Variants in DST observed in about 807,000 individuals in gnomAD.
The protein encoded by DST is dystonin.
A neutral mutation model predicts 875.2 loss-of-function variants in DST; 253 were observed. The ratio of observed to expected loss-of-function variants is 0.29; its 90% CI spans 0.26 to 0.32. DST has a LOEUF of 0.32. Among genes scored for constraint, DST ranks in the 10% least tolerant of loss-of-function variants. The pLI, the probability that DST is intolerant of heterozygous loss-of-function variation, is 1.00. For missense variants in DST, 8,287 were observed against 9,111.6 expected, an observed-to-expected ratio of 0.91 and a Z score of 3.68; for synonymous variants, 3,124 against 3,197.1, an observed-to-expected ratio of 0.98 and a Z score of 0.77.
At position 56,793,532 on chromosome 6, in the gene DST, C is replaced by A. The variant is rs551494731; in HGVS notation, c.625+57865G>T. On this transcript the variant is annotated intron_variant, in intron 4 of 103. Coordinates refer to ENST00000680361, the MANE Select transcript of DST (RefSeq NM_001374736.1). ...TTAAACTACCCACAGAGAATTCTAACAAAAGAGGTCCTAAGACAGACAAGA... is the reference window on the plus strand; with the variant it reads ...TTAAACTACCCACAGAGAATTCTAAAAAAAGAGGTCCTAAGACAGACAAGA... Among the ~76,000 whole-genome samples, 46 of 152,208 alleles carry A rather than the reference C, an allele frequency of 3.0e-4. 1 individual carries two copies. The highest frequency in any genetic ancestry group is 1.2e-3 in the South Asian group (6 of 4,830).
chr6:56,777,769 T>C (rs549559352), intron 4 of DST, among the ~76,000 whole-genome samples: 45 of 152,048 alleles, frequency 3.0e-4, no homozygotes, highest in Non-Finnish European at 5.3e-4. Flanking sequence ...AATGGCATGA[T>C]TGCAGCACAC....
At chr6:56,619,399 G>C in intron 36 of DST, 1 of 1,612,910 alleles carries the variant, frequency 6.2e-7, no homozygotes, top group Non-Finnish European at 8.5e-7. Context: ...TTTCAGCTTT[G>C]ATATTTTGAA....
In DST at chr6:56,532,481, T is replaced by A; in HGVS notation, c.16971A>T (p.Lys5657Asn). Reference protein sequence around the residue: ...KLLQRLLDDRKSTVEVIKREG... With the variant: ...KLLQRLLDDRNSTVEVIKREG... ...CTCGTTTGATTACCTCCACCGTAGATTTTCGGTCATCCAACAATCTCTGGA... is the reference window on the plus strand; with the variant it reads ...CTCGTTTGATTACCTCCACCGTAGAATTTCGGTCATCCAACAATCTCTGGA... Residue 5657 changes from lysine to asparagine, a missense_variant, in exon 64 of 104, where the codon AAA (lysine) becomes AAT (asparagine). Around this residue, in one of 10 missense-constraint regions of DST, gnomAD observed 777 missense variants for 764.8 expected, o/e 1.02. Transcript: ENST00000680361. 2 of 1,605,538 alleles carry A rather than the reference T, an allele frequency of 1.2e-6. No individual in the cohort carries two copies. The highest frequency in any genetic ancestry group is 1.7e-6 in the Non-Finnish European group (2 of 1,175,618).
rs1275165494 is a variant in DST at position 56,607,122 on chromosome 6, T to C, written c.7506A>G (p.Gly2502=). 1 of 1,613,282 alleles carries C rather than the reference T, an allele frequency of 6.2e-7. No individual in the cohort carries two copies. The highest frequency in any genetic ancestry group is 8.5e-7 in the Non-Finnish European group (1 of 1,179,608). ...GIAAINISLP[G]EQYGQKSLNM... ...TTAAAGATTTCTGTCCATACTGCTC[T>C]CCTGGTAAACTGATGTTAATAGCTG... is the stretch of plus-strand genomic sequence containing the variant. Residue 2502 remains glycine, a synonymous_variant, in exon 40 of 104, where the codon GGA becomes GGG. Coordinates refer to ENST00000680361, the MANE Select transcript of DST (RefSeq NM_001374736.1).
Position 56,639,383 on chromosome 6 carries a change from A to G in DST, c.2860-20T>C. The G allele has an allele frequency of 6.2e-7, 1 of 1,612,532 alleles. No homozygotes were observed. The highest frequency in any genetic ancestry group is 8.5e-7 in the Non-Finnish European group (1 of 1,178,968). On this transcript the variant is annotated intron_variant, in intron 21 of 103. Coordinates refer to ENST00000680361, the MANE Select transcript of DST (RefSeq NM_001374736.1). ...TAATTCCTTCAAGAAATAATTAAGA[A>G]GTGTGTTAGAAAAATATATAAACCT...
At chr6:56,950,122 C>T (rs1821601197) in intron 2 of DST, among the ~76,000 whole-genome samples, 1 of 152,166 alleles carries the variant, frequency 6.6e-6, no homozygotes, top group Non-Finnish European at 1.5e-5. Flanking sequence ...AATACGTAGC[C>T]AGATAATTCT....
At position 56,630,350 on chromosome 6, in the gene DST, A is replaced by T. The variant is rs1302177050; in HGVS notation, c.4176T>A (p.Thr1392=). The T allele has an allele frequency of 6.2e-7, 1 of 1,612,960 alleles. No homozygotes were observed. Among genetic ancestry groups the T allele is most frequent in the East Asian group, 2.2e-5 (1 of 44,848 alleles). The change falls in exon 31 of 104, where the codon ACT becomes ACA. Residue 1392 remains threonine (T), a synonymous_variant. Coordinates refer to ENST00000680361, the MANE Select transcript of DST (RefSeq NM_001374736.1). ...GTTTTACGAGGGCTTCTGCAGCTTG[A>T]GTGTTTTTTAACACCAAGTTAACAG... ...LKTVNLVLKN[T]QAAEALVKLY...
At chr6:56,752,431 G>T (rs1444839984) in intron 4 of DST, among the ~76,000 whole-genome samples, 1 of 151,972 alleles carries the variant, frequency 6.6e-6, no homozygotes, top group Non-Finnish European at 1.5e-5. Context: ...CCCAAAACAA[G>T]ATAAAGAACA....
At chr6:56,621,178 C>A (rs1052644274) in intron 36 of DST, among the ~76,000 whole-genome samples, 1 of 151,976 alleles carries the variant, frequency 6.6e-6, no homozygotes, top group Admixed American at 6.6e-5. Context: ...CCAAATGATG[C>A]TAAAGAATTT....
In DST at chr6:56,624,606, T is replaced by C. The variant is rs1039763208; in HGVS notation, c.4853A>G (p.Tyr1618Cys). ...TGTCATGAGAGTGACCAGGGCAGTA[T>C]ATCGAGTCCTTAGGTCCATGAACTG... is the stretch of plus-strand genomic sequence containing the variant. The part of the protein sequence containing the change: ...IQEFMDLRTR[Y>C]TALVTLMTQY... The change falls in exon 36 of 104, where the codon TAT becomes TGT. Residue 1618 changes from tyrosine (Y) to cysteine (C), a missense_variant. Tyr to Cys is a radical substitution (Grantham distance 194, BLOSUM62 -2). Transcript: ENST00000680361. 6.2e-6 allele frequency: 10 copies of C among 1,612,802 alleles called. No individual in the cohort carries two copies. The highest frequency in any genetic ancestry group is 8.5e-6 in the Non-Finnish European group (10 of 1,179,222).
chr6:56,919,973 T>C (rs1803257655), intron 2 of DST, among the ~76,000 whole-genome samples: 1 of 152,146 alleles, frequency 6.6e-6, no homozygotes, highest in African/African-American at 2.4e-5. Context: ...GAAGGATATA[T>C]ATATCTAAAC....
chr6:56,617,271 A>G (rs781393758), intron 36 of DST: 2 of 1,612,894 alleles, frequency 1.2e-6, no homozygotes, highest in Non-Finnish European at 8.5e-7. Flanking sequence ...TCTGGTTCTA[A>G]GCCCTTCTTA....
intron 4 of DST, among the ~76,000 whole-genome samples, chr6:56,753,188 G>A (rs2152954242): frequency 6.6e-6 from 1 of 152,306 alleles, no homozygotes; most frequent in South Asian, 2.1e-4. Context: ...GCATAACTGT[G>A]AGAGTGGATA....
chr6:56,765,765 G>A (rs2099631825), intron 4 of DST, among the ~76,000 whole-genome samples: 3 of 152,202 alleles, frequency 2.0e-5, no homozygotes, highest in African/African-American at 7.2e-5. Flanking sequence ...ATTTTACTCA[G>A]ACTTCAGTTA....
At chr6:56,642,347 A>T in intron 16 of DST, 63 bp downstream of exon 16, 1 of 1,174,642 alleles carries the variant, frequency 8.5e-7, no homozygotes, top group Non-Finnish European at 1.3e-6. Context: ...TAAAAGTTTT[A>T]GTTCATCCAA....
chr6:56,865,293 GTGTC>G (rs1333337935), intron 3 of DST, among the ~76,000 whole-genome samples: 7 of 149,950 alleles, frequency 4.7e-5, no homozygotes, highest in South Asian at 2.1e-4. Flanking sequence ...GTGTGTGTGT[GTGTC>G]TGTATGTGTG....
rs1342922534 is a variant in DST, at chr6:56,797,119, A to C, written c.625+54278T>G. The stretch of plus-strand genomic sequence containing the variant: ...ATTCTCACAATATTCAAACTTTTTC[A>C]TTATCATTATATCTGTTATGATGAT... On this transcript the variant is annotated intron_variant, in intron 4 of 103. Transcript: ENST00000680361. Among the ~76,000 whole-genome samples, 3 of 152,052 alleles carry C rather than the reference A, an allele frequency of 2.0e-5. No homozygotes were observed. The East Asian group carries it at 5.8e-4, about 29-fold the overall frequency.
chr6:56,902,638 T>A (rs28508066), intron 2 of DST, among the ~76,000 whole-genome samples: 7 of 152,222 alleles, frequency 4.6e-5, no homozygotes, highest in Non-Finnish European at 1.0e-4. Flanking sequence ...TCCTAATCCA[T>A]CCGCAAATAC....
chr6:56,664,507 C>G (rs1192889520), intron 10 of DST, among the ~76,000 whole-genome samples: 2 of 152,202 alleles, frequency 1.3e-5, no homozygotes, highest in Non-Finnish European at 2.9e-5. Flanking sequence ...TCAACCCTAA[C>G]TCTTGGTGAC....
Sources: gnomAD v4.1 joint callset for allele counts (sites outside exome capture counted in the v4.1 genomes callset) on GRCh38, gnomAD v4.1.1 for gene constraint, gnomAD v4.1.1 regional missense constraint, MANE v1.5 for transcripts, NCBI Gene and HGNC (gene_info 2026-07-23, HGNC 2026-07-21) for gene names.